INTS6: variants seen among roughly 807,000 people sequenced by gnomAD.
INTS6 encodes the protein DEAD box protein.
A neutral mutation model predicts 104.9 loss-of-function variants in INTS6; 16 were observed. The ratio of observed to expected loss-of-function variants is 0.15; its 90% CI spans 0.10 to 0.23. The LOEUF is 0.23. Among genes scored for constraint, INTS6 ranks in the 10% least tolerant of loss-of-function variants. The pLI is 1.00. For synonymous variants in INTS6, 324 were observed against 358.7 expected, an observed-to-expected ratio of 0.90 and a Z score of 1.09; for missense variants, 584 against 1,062.8, an observed-to-expected ratio of 0.55 and a Z score of 6.26.
chr13:51,390,288 T>A (rs1350924953), intron 5 of INTS6, among the ~76,000 whole-genome samples: 1 of 151,956 alleles, frequency 6.6e-6, no homozygotes, highest in African/African-American at 2.4e-5. Flanking sequence ...TTTTGTTGAC[T>A]TAGTATGAAA....
At position 51,436,052 on chromosome 13, in the gene INTS6, C is replaced by T. The variant is rs182659885; in HGVS notation, c.340-5669G>A. ...CTCAGGTAGTGTAGTATAAATGAGT[C>T]TTTTGATGTCAAACTCTAAAATATT... On this transcript the variant is annotated intron_variant, in intron 3 of 17. Transcript: ENST00000311234. 4.3e-3 allele frequency among the ~76,000 whole-genome samples: 648 copies of T among 152,020 alleles called. 3 individuals are homozygous for T. The highest frequency in any genetic ancestry group is 7.4e-3 in the Non-Finnish European group (502 of 67,862).
chr13:51,362,756 G>A lies in INTS6; in HGVS notation c.*2996C>T, dbSNP rs1955607486. ...GCATAGTTTTACATAAATTGTTAAG[G>A]AAATACTGTCAACATCATTTTATCT... On this transcript the variant is annotated 3_prime_UTR_variant, in exon 18 of 18. Coordinates refer to ENST00000311234, the MANE Select transcript of INTS6 (RefSeq NM_012141.3). 1.3e-5 allele frequency: 2 copies of A among 152,362 alleles called. No individual in the cohort carries two copies. The highest frequency in any genetic ancestry group is 6.6e-5 in the Admixed American group (1 of 15,218). 9.4% of individuals were successfully genotyped at this position (152,362 alleles called of 1,614,324 possible).
the INTS6 span, chr13:51,341,144 C>A: frequency 6.2e-7 from 1 of 1,614,010 alleles, no homozygotes; most frequent in Non-Finnish European, 8.5e-7. Context: ...TGCCTCCGAG[C>A]AAATGGCCAC....
At chr13:51,448,615 T>C (rs1041856059) in intron 3 of INTS6, 10 of 152,354 alleles carry the variant, frequency 6.6e-5, no homozygotes, top group Admixed American at 2.6e-4. Context: ...TAATTAGTTA[T>C]GAAAAATCAT....
chr13:51,419,466 A>T (rs1956856461), intron 4 of INTS6, among the ~76,000 whole-genome samples: 1 of 152,328 alleles, frequency 6.6e-6, no homozygotes, highest in Middle Eastern at 3.4e-3. Flanking sequence ...AGGTACATAC[A>T]GTTCTCCCAA....
the INTS6 span, chr13:51,348,746 G>A: frequency 7.3e-6 from 2 of 272,678 alleles, no homozygotes; most frequent in South Asian, 9.4e-5. Context: ...GGAAATGCTC[G>A]TGGTTCCCTT....
rs777316229 is a variant in INTS6 at position 51,369,052 on chromosome 13, A to G, written c.2363T>C (p.Ile788Thr). Residue 788 changes from isoleucine (I) to threonine (T), a missense_variant, in exon 16 of 18, where the codon ATA (isoleucine) becomes ACA (threonine). This residue lies in a region of INTS6 where 296 missense variants were observed against 437.0 expected (regional missense o/e 0.68). Coordinates refer to ENST00000311234, the MANE Select transcript of INTS6 (RefSeq NM_012141.3). ...TCCTTTGTTGAGTGAAGATGCTGGT[A>G]TGTTCTCTTCAGCACATTGTTCTTT... ...RDKEQCAEEN[I>T]PASSLNKGKK... The G allele has an allele frequency of 1.9e-6, 3 of 1,613,648 alleles. No homozygotes were observed. The highest frequency in any genetic ancestry group is 2.5e-6 in the Non-Finnish European group (3 of 1,179,824).
At chr13:51,432,826 C>T (rs1022361610) in intron 3 of INTS6, among the ~76,000 whole-genome samples, 1 of 152,106 alleles carries the variant, frequency 6.6e-6, no homozygotes, top group Non-Finnish European at 1.5e-5. Flanking sequence ...TTCGTGTTGG[C>T]CATTCAAAGA....
At chr13:51,383,514 A>G in intron 8 of INTS6, 53 bp from the exon 9 acceptor site, 2 of 1,606,032 alleles carry the variant, frequency 1.2e-6, no homozygotes, top group Non-Finnish European at 8.5e-7. Flanking sequence ...ATGTTACATA[A>G]ACCATTGATT....
chr13:51,364,713 A>G lies in INTS6; in HGVS notation c.*1039T>C, dbSNP rs1424690428. The G allele has an allele frequency of 6.5e-6, 1 of 154,216 alleles. No individual in the cohort carries two copies. Among genetic ancestry groups the G allele is most frequent in the Non-Finnish European group, 1.4e-5 (1 of 69,246 alleles). The allele number at this position is 154,216 out of a possible 1,614,324, so 9.6% of individuals were successfully genotyped here. A position where few individuals can be genotyped will look rare whatever the true frequency, so the allele number is the denominator to read the frequency against. On this transcript the variant is annotated 3_prime_UTR_variant, in exon 18 of 18. Transcript: ENST00000311234. ...TTTCCTTTCCATTTAGCTTATAAAT[A>G]AAACAGAGTTTAAGTGTGAGAACAG... is the stretch of plus-strand genomic sequence containing the variant.
At chr13:51,348,114 T>A in the INTS6 span, 2 of 889,796 alleles carry the variant, frequency 2.2e-6, no homozygotes, top group Non-Finnish European at 3.4e-6. Context: ...TCGGTTTTAT[T>A]GTTTCCAGTC....
chr13:51,442,637 T>C (rs1952819679), intron 3 of INTS6: 1 of 152,950 alleles, frequency 6.5e-6, no homozygotes, highest in Non-Finnish European at 1.5e-5. Flanking sequence ...AGCATTACCG[T>C]TGGGGCTCCG....
intron 4 of INTS6, among the ~76,000 whole-genome samples, chr13:51,397,512 G>T (rs193115460): frequency 1.3e-5 from 2 of 152,152 alleles, no homozygotes; most frequent in Non-Finnish European, 2.9e-5. Context: ...AGCCTCACAG[G>T]CTCTGTGACA....
At chr13:51,443,414 G>A (rs569505049) in intron 3 of INTS6, 8 of 152,108 alleles carry the variant, frequency 5.3e-5, no homozygotes, top group South Asian at 4.1e-4. Context: ...GTTTATTTAA[G>A]TTACATCTCA....
the INTS6 span, among the ~76,000 whole-genome samples, chr13:51,346,459 C>A: frequency 6.6e-6 from 1 of 152,274 alleles, no homozygotes; most frequent in East Asian, 1.9e-4. Flanking sequence ...CCAACCTGTT[C>A]AGAAAAGAAT....
chr13:51,429,002 C>A (rs1260822018), intron 4 of INTS6, among the ~76,000 whole-genome samples: 1 of 152,138 alleles, frequency 6.6e-6, no homozygotes, highest in Non-Finnish European at 1.5e-5. Context: ...TAAGTACCTT[C>A]ATATACATTA....
chr13:51,441,692 A>AC (rs1187278505), intron 3 of INTS6: 2 of 152,234 alleles, frequency 1.3e-5, no homozygotes, highest in Admixed American at 6.5e-5. Flanking sequence ...TCAGAAACTT[A>AC]AAGTATGAAG....
intron 4 of INTS6, chr13:51,402,697 T>C (rs938370473): frequency 1.3e-5 from 2 of 152,134 alleles, no homozygotes; most frequent in Non-Finnish European, 2.9e-5. Flanking sequence ...GGGAAGACTG[T>C]CCTATTTTTC....
chr13:51,430,926 TAAC>T (rs1043495064), intron 3 of INTS6, among the ~76,000 whole-genome samples: 8 of 152,180 alleles, frequency 5.3e-5, no homozygotes. Flanking sequence ...AGCAAAAATT[TAAC>T]AACAGTACAA....
Sources: allele counts gnomAD v4.1 joint callset (sites outside exome capture counted in the v4.1 genomes callset), GRCh38; gene constraint gnomAD v4.1.1; regional missense constraint gnomAD v4.1.1; transcripts MANE v1.5; gene names NCBI Gene and HGNC (gene_info 2026-07-23, HGNC 2026-07-21).